PRKG1: variants seen among roughly 807,000 people sequenced by gnomAD.
The protein encoded by PRKG1 is cGMP-dependent protein kinase 1.
A neutral mutation model predicts 88.1 loss-of-function variants in PRKG1; 35 were observed. The observed-to-expected ratio is 0.40, with a 90% CI of 0.30 to 0.53. The LOEUF (loss-of-function observed/expected upper bound fraction) is 0.53, where lower values mean the gene tolerates loss of function less well. Ranked by LOEUF, PRKG1 falls within the 20% of genes least tolerant of loss-of-function variation. The pLI, the probability that PRKG1 is intolerant of heterozygous loss-of-function variation, is 0.59. For missense variants in PRKG1, 540 were observed against 839.8 expected (o/e 0.64, Z 4.41); for synonymous variants, 303 against 292.5 (o/e 1.04, Z -0.37).
intron 4 of PRKG1, among the ~76,000 whole-genome samples, chr10:51,838,527 A>G (rs1840186797): frequency 1.3e-5 from 2 of 152,216 alleles, no homozygotes; most frequent in Non-Finnish European, 2.9e-5. Flanking sequence ...ACTTATTTTT[A>G]AAGGGAGCTT....
chr10:52,127,683 C>T (rs189508648), intron 7 of PRKG1, among the ~76,000 whole-genome samples: 2 of 152,184 alleles, frequency 1.3e-5, no homozygotes, highest in African/African-American at 2.4e-5. Context: ...TGATGATGAT[C>T]GTGATGATGA....
intron 9 of PRKG1, among the ~76,000 whole-genome samples, chr10:52,223,854 G>T (rs548588441): frequency 6.6e-6 from 1 of 151,738 alleles, no homozygotes. Context: ...CACTCACATC[G>T]TATCTTGGTC....
At chr10:51,937,966 T>A (rs181428498) in intron 5 of PRKG1, among the ~76,000 whole-genome samples, 111 of 152,236 alleles carry the variant, frequency 7.3e-4, no homozygotes, top group African/African-American at 2.4e-3. Context: ...TCCATACTTA[T>A]ACGCTATCTG....
At chr10:51,153,396 A>G (rs1196424156) in intron 2 of PRKG1, 66 bp downstream of exon 2, 2 of 1,422,240 alleles carry the variant, frequency 1.4e-6, no homozygotes, top group African/African-American at 1.4e-5. Flanking sequence ...AGCTGCACAC[A>G]GATGGCAATG....
At chr10:51,296,088 G>A (rs1028033537) in intron 2 of PRKG1, among the ~76,000 whole-genome samples, 3 of 152,044 alleles carry the variant, frequency 2.0e-5, no homozygotes, top group African/African-American at 7.2e-5. Context: ...GTATTTTATT[G>A]AGGATTTTTG....
chr10:51,220,209 C>T (rs1838491303), intron 2 of PRKG1, among the ~76,000 whole-genome samples: 1 of 151,828 alleles, frequency 6.6e-6, no homozygotes, highest in African/African-American at 2.4e-5. Context: ...ACACAAGGAC[C>T]ACAGTCCTAT....
chr10:51,182,964 A>T (rs1028532191), intron 2 of PRKG1, among the ~76,000 whole-genome samples: 13 of 152,216 alleles, frequency 8.5e-5, no homozygotes, highest in Non-Finnish European at 1.5e-4. Flanking sequence ...TAGAATCACA[A>T]TAATTCTATT....
At chr10:51,125,153 A>G (rs1396028309) in intron 1 of PRKG1, among the ~76,000 whole-genome samples, 2 of 151,994 alleles carry the variant, frequency 1.3e-5, no homozygotes, top group African/African-American at 4.8e-5. Flanking sequence ...CCCTGTCTCT[A>G]CAAAAATGTA....
chr10:51,034,383 TATC>T (rs1199763748), intron 1 of PRKG1, among the ~76,000 whole-genome samples: 1 of 151,976 alleles, frequency 6.6e-6, no homozygotes, highest in East Asian at 1.9e-4. Flanking sequence ...GACAGAATAT[TATC>T]ATGCACTTCA....
chr10:51,119,662 C>T (rs567574305), intron 1 of PRKG1, among the ~76,000 whole-genome samples: 2 of 151,954 alleles, frequency 1.3e-5, no homozygotes, highest in African/African-American at 4.8e-5. Flanking sequence ...TGTTAAAATT[C>T]ATGGTCTAAA....
intron 12 of PRKG1, among the ~76,000 whole-genome samples, chr10:52,273,156 A>C (rs1233577717): frequency 6.6e-6 from 1 of 152,058 alleles, no homozygotes; most frequent in East Asian, 1.9e-4. Flanking sequence ...TTTCCATCTC[A>C]TATTTAGATA....
intron 5 of PRKG1, among the ~76,000 whole-genome samples, chr10:51,929,831 C>T (rs1842652117): frequency 6.6e-6 from 1 of 152,144 alleles, no homozygotes; most frequent in South Asian, 2.1e-4. Context: ...CTCTAACTGA[C>T]CTAGGGACAT....
At chr10:52,241,624 C>T (rs1840864386) in intron 9 of PRKG1, among the ~76,000 whole-genome samples, 1 of 152,152 alleles carries the variant, frequency 6.6e-6, no homozygotes, top group Admixed American at 6.6e-5. Context: ...ATGCAAAATT[C>T]ATCAGAGATT....
intron 7 of PRKG1, among the ~76,000 whole-genome samples, chr10:52,106,705 A>AAATAATAAT (rs57109678): frequency 0.011 from 1,531 of 140,006 alleles, 9 homozygotes; most frequent in East Asian, 0.016. Context: ...CTCTGTCCCA[A>AAATAATAAT]AATAATAATA....
At chr10:51,007,563 C>T (rs1382256326) in intron 1 of PRKG1, among the ~76,000 whole-genome samples, 1 of 152,164 alleles carries the variant, frequency 6.6e-6, no homozygotes, top group African/African-American at 2.4e-5. Flanking sequence ...AGGCTAAGAG[C>T]ATGGACTGTG....
Position 51,804,682 on chromosome 10 carries a change from T to A in PRKG1, c.690T>A (p.Phe230Leu). The change falls in exon 4 of 18, where the codon TTT (phenylalanine) becomes TTA (leucine). Residue 230 changes from phenylalanine (F) to leucine (L), a missense_variant. This residue lies in a region of PRKG1 where 400 missense variants were observed against 562.7 expected (regional missense o/e 0.71). Transcript: ENST00000373980. ...TCAAGCATACCGAGTATATGGAATT[T>A]TTAAAAAGGTAGGATGCTTTCTTTT... is the stretch of plus-strand genomic sequence containing the variant. ...GLIKHTEYME[F>L]LKSVPTFQSL... 6.4e-7 allele frequency: 1 copy of A among 1,562,774 alleles called. No homozygotes were observed. The highest frequency in any genetic ancestry group is 8.8e-7 in the Non-Finnish European group (1 of 1,134,496).
At chr10:51,607,176 G>A (rs1039140444) in intron 3 of PRKG1, among the ~76,000 whole-genome samples, 2 of 152,182 alleles carry the variant, frequency 1.3e-5, no homozygotes, top group African/African-American at 4.8e-5. Flanking sequence ...AGGCTTTAAT[G>A]GAAGGAGTTT....
At chr10:52,248,756 T>C (rs1372335936) in intron 9 of PRKG1, among the ~76,000 whole-genome samples, 1 of 151,560 alleles carries the variant, frequency 6.6e-6, no homozygotes, top group Non-Finnish European at 1.5e-5. Flanking sequence ...ATACTATCAG[T>C]AATTAGTCAG....
chr10:51,087,867 C>T (rs185046905), intron 1 of PRKG1, among the ~76,000 whole-genome samples: 5 of 152,264 alleles, frequency 3.3e-5, no homozygotes, highest in East Asian at 3.9e-4. Flanking sequence ...CGGGATCAAG[C>T]GGTCCTCCTG....
Sources: allele counts gnomAD v4.1 joint callset (sites outside exome capture counted in the v4.1 genomes callset), GRCh38; gene constraint gnomAD v4.1.1; regional missense constraint gnomAD v4.1.1; transcripts MANE v1.5; gene names NCBI Gene and HGNC (gene_info 2026-07-23, HGNC 2026-07-21).